Variants in HEXA observed in about 807,000 individuals in gnomAD.
HEXA encodes beta-hexosaminidase subunit alpha.
In HEXA, 54 loss-of-function variants were observed where a neutral mutation model predicts 73.3. The observed-to-expected ratio is 0.74, with a 90% CI of 0.59 to 0.92. HEXA has a LOEUF of 0.92. Among genes scored for constraint, HEXA ranks in the 40% least tolerant of loss-of-function variants. The probability of loss-of-function intolerance (pLI) is 0.00; values close to 1 mark genes in which losing one functional copy is unlikely to be tolerated. For missense variants in HEXA, 649 were observed against 653.0 expected, an observed-to-expected ratio of 0.99 and a Z score of 0.07; for synonymous variants, 230 against 246.9, an observed-to-expected ratio of 0.93 and a Z score of 0.64.
At position 72,351,241 on chromosome 15, in the gene HEXA, G is replaced by C. The variant is rs1378205972; in HGVS notation, c.571-7C>G. 6.4e-7 allele frequency: 1 copy of C among 1,567,116 alleles called. No individual in the cohort carries two copies. Among genetic ancestry groups the C allele is most frequent in the South Asian group, 1.1e-5 (1 of 90,106 alleles). On this transcript the variant is annotated splice_polypyrimidine_tract_variant and splice_region_variant and intron_variant, in intron 5 of 13. Coordinates refer to ENST00000268097, the MANE Select transcript of HEXA (RefSeq NM_000520.6). ...TATTGTACGCCATGACATCCTGTAG[G>C]TTAAAGTGCACACTGTGAACCCATC...
Position 72,348,085 on chromosome 15 carries a change from C to T in HEXA, c.1036G>A (p.Glu346Lys). Reference sequence around the variant, plus strand: ...AAGGACTCCAGCTGCTTGAAGTCCTCACCGAAGCCTTTCTTCCTCATAAAG... The same window carrying T: ...AAGGACTCCAGCTGCTTGAAGTCCTTACCGAAGCCTTTCTTCCTCATAAAG... ...QDFMRKKGFG[E>K]DFKQLESFYI... The change falls in exon 9 of 14, where the codon GAG (glutamate) becomes AAG (lysine). Residue 346 changes from glutamate (E) to lysine (K), a missense_variant. Glu to Lys is a moderately conservative substitution (Grantham distance 56, BLOSUM62 1). Coordinates refer to ENST00000268097, the MANE Select transcript of HEXA (RefSeq NM_000520.6). 1.2e-6 allele frequency: 2 copies of T among 1,613,886 alleles called. No individual in the cohort carries two copies. Among genetic ancestry groups the T allele is most frequent in the Non-Finnish European group, 1.7e-6 (2 of 1,179,726 alleles).
In HEXA at chr15:72,350,517, C is replaced by T. The variant is rs121907980; in HGVS notation, c.805+1G>A. ...CCTCTGGTCCCAGACATCATTCTTA[C>T]CTGGTCCCCAGGACAAAGTGTGGCC... On this transcript the variant is annotated splice_donor_variant, in intron 7 of 13. Transcript: ENST00000268097. LOFTEE classifies it high-confidence loss of function. The T allele has an allele frequency of 3.7e-6, 6 of 1,614,018 alleles. No homozygotes were observed. The highest frequency in any genetic ancestry group is 5.1e-6 in the Non-Finnish European group (6 of 1,180,006).
At chr15:72,352,919 C>A (rs1256025633) in intron 5 of HEXA, 149 bp downstream of exon 5, 1 of 656,848 alleles carries the variant, frequency 1.5e-6, no homozygotes, top group Admixed American at 2.1e-5. Flanking sequence ...CCACCTCGGC[C>A]TCCCAAAGTG....
At chr15:72,354,252 A>C in intron 3 of HEXA, 1 of 162,262 alleles carries the variant, frequency 6.2e-6, no homozygotes, top group Non-Finnish European at 1.3e-5. Context: ...AAAATCATCC[A>C]CTCTTCCTCT....
intron 12 of HEXA, 195 bp from the exon 13 acceptor site, chr15:72,345,745 A>T (rs2088604337): frequency 1.4e-6 from 1 of 733,862 alleles, no homozygotes; most frequent in African/African-American, 1.8e-5. Context: ...ACCTTCATTA[A>T]AATGTGGGTA....
rs144977600 is a variant in HEXA, at chr15:72,362,586, G to T, written c.254-5969C>A. ...GATTACTTTTATATCCCCAAACCTA[G>T]TATTTCTGAAATCCTGAGACTGGGG... On this transcript the variant is annotated intron_variant, in intron 1 of 13. Coordinates refer to ENST00000268097, the MANE Select transcript of HEXA (RefSeq NM_000520.6). 1.9e-5 allele frequency: 8 copies of T among 414,982 alleles called. No individual in the cohort carries two copies. The East Asian group carries it at 6.0e-4, about 31-fold the overall frequency. The allele number at this position is 414,982 out of a possible 1,614,324, so 25.7% of individuals were successfully genotyped here.
In HEXA at chr15:72,347,844, C is replaced by T. The variant is rs1050913691; in HGVS notation, c.1074-86G>A. The T allele has an allele frequency of 2.1e-5, 27 of 1,315,524 alleles. No homozygotes were observed. Among genetic ancestry groups the T allele is most frequent in the Non-Finnish European group, 5.5e-6 (5 of 910,052 alleles). The allele number at this position is 1,315,524 out of a possible 1,614,324, so 81.5% of individuals were successfully genotyped here. On this transcript the variant is annotated intron_variant, in intron 9 of 13. Coordinates refer to ENST00000268097, the MANE Select transcript of HEXA (RefSeq NM_000520.6). Reference sequence around the variant, plus strand: ...TGTGCCAGTGCTCTAGGGGTTGAGCCTGGCCAGGGGCCTATTCCTCATTAA... The same window carrying T: ...TGTGCCAGTGCTCTAGGGGTTGAGCTTGGCCAGGGGCCTATTCCTCATTAA...
intron 2 of HEXA, 25 bp downstream of exon 2, chr15:72,356,500 A>C (rs1314428775): frequency 1.2e-6 from 2 of 1,613,430 alleles, no homozygotes; most frequent in Non-Finnish European, 8.5e-7. Flanking sequence ...TGCTCTTCTA[A>C]GACAGGGAAC....
chr15:72,350,290 G>C (rs1282657293), intron 7 of HEXA: 10 of 557,670 alleles, frequency 1.8e-5, no homozygotes, highest in Non-Finnish European at 3.2e-5. Context: ...CGGCATCTGA[G>C]AAAAATGTGC....
Position 72,371,714 on chromosome 15 carries a change from C to T in HEXA, c.253+4006G>A, listed in dbSNP as rs144858855. 3.8e-3 allele frequency among the ~76,000 whole-genome samples: 581 copies of T among 151,840 alleles called. 4 individuals are homozygous for T. Among genetic ancestry groups the T allele is most frequent in the African/African-American group, 0.013 (551 of 41,246 alleles). On this transcript the variant is annotated intron_variant, in intron 1 of 13. Transcript: ENST00000268097. Reference sequence around the variant, plus strand: ...ACAAATAATTACTACATATCTACAACGTTCCAGATACAGAAGAAATGGCCA... The same window carrying T: ...ACAAATAATTACTACATATCTACAATGTTCCAGATACAGAAGAAATGGCCA...
At chr15:72,361,298 G>T (rs2088850548) in intron 1 of HEXA, among the ~76,000 whole-genome samples, 2 of 152,052 alleles carry the variant, frequency 1.3e-5, no homozygotes, top group Admixed American at 1.3e-4. Flanking sequence ...TTGCTCTCTT[G>T]GTTTTCCTTC....
rs768751360 is a variant in HEXA at position 72,351,141 on chromosome 15, T to C, written c.664A>G (p.Met222Val). Reference protein sequence around the residue: ...PYESFTFPELMRKGSYNPVTH... With the variant: ...PYESFTFPELVRKGSYNPVTH... ...GTGAAACGGGAACATACCTTTCTCA[T>C]GAGCTCTGGAAAAGTGAAGCTCTCA... Residue 222 changes from methionine to valine, a missense_variant, in exon 6 of 14, where the codon ATG becomes GTG. By Grantham distance (21) the Met-to-Val change is conservative. Transcript: ENST00000268097. The C allele has an allele frequency of 1.3e-5, 21 of 1,598,520 alleles. No individual in the cohort carries two copies. Among genetic ancestry groups the C allele is most frequent in the Non-Finnish European group, 1.7e-5 (20 of 1,165,698 alleles).
rs121907980 is a variant in HEXA, at chr15:72,350,517, C to G, written c.805+1G>C. On this transcript the variant is annotated splice_donor_variant, in intron 7 of 13. Coordinates refer to ENST00000268097, the MANE Select transcript of HEXA (RefSeq NM_000520.6). LOFTEE classifies it high-confidence loss of function. Reference sequence around the variant, plus strand: ...CCTCTGGTCCCAGACATCATTCTTACCTGGTCCCCAGGACAAAGTGTGGCC... The same window carrying G: ...CCTCTGGTCCCAGACATCATTCTTAGCTGGTCCCCAGGACAAAGTGTGGCC... 3.1e-6 allele frequency: 5 copies of G among 1,613,900 alleles called. No individual in the cohort carries two copies. Among genetic ancestry groups the G allele is most frequent in the Admixed American group, 1.7e-5 (1 of 60,006 alleles).
intron 12 of HEXA, 26 bp from the exon 13 acceptor site, chr15:72,345,576 A>G: frequency 6.2e-7 from 1 of 1,613,460 alleles, no homozygotes; most frequent in Non-Finnish European, 8.5e-7. Flanking sequence ...CATGTGCCAG[A>G]TTGGGCCCTG....
chr15:72,371,761 C>T (rs1176925378), intron 1 of HEXA, among the ~76,000 whole-genome samples: 2 of 152,098 alleles, frequency 1.3e-5, no homozygotes, highest in Admixed American at 1.3e-4. Flanking sequence ...TTAGGAGATC[C>T]AGATTATAAT....
intron 1 of HEXA, among the ~76,000 whole-genome samples, chr15:72,362,845 C>T (rs534680453): frequency 6.6e-6 from 1 of 152,298 alleles, no homozygotes; most frequent in South Asian, 2.1e-4. Context: ...TGAATCAAAA[C>T]ACTTCCATCG....
At chr15:72,354,033 C>T in intron 3 of HEXA, 1 of 496,888 alleles carries the variant, frequency 2.0e-6, no homozygotes, top group Non-Finnish European at 3.6e-6. Context: ...TGTGCCTTCA[C>T]AAGAATATTG....
At chr15:72,361,046 T>C (rs762599489) in intron 1 of HEXA, among the ~76,000 whole-genome samples, 1 of 152,232 alleles carries the variant, frequency 6.6e-6, no homozygotes, top group Admixed American at 6.5e-5. Flanking sequence ...ACCAAAGTCC[T>C]GTGGTTCTGT....
intron 1 of HEXA, among the ~76,000 whole-genome samples, chr15:72,369,593 AATGACACG>A (rs1408752750): frequency 2.0e-5 from 3 of 152,094 alleles, no homozygotes; most frequent in African/African-American, 7.2e-5. Flanking sequence ...GCTGGAGTGC[AATGACACG>A]ATCTCAGCTA....
Sources: gnomAD v4.1 joint callset for allele counts (sites outside exome capture counted in the v4.1 genomes callset) on GRCh38, gnomAD v4.1.1 for gene constraint, MANE v1.5 for transcripts, NCBI Gene and HGNC (gene_info 2026-07-23, HGNC 2026-07-21) for gene names.